The following AP4S1 variants were observed in gnomAD, a reference collection of about 807,000 sequenced individuals.
AP4S1 encodes adaptor related protein complex 4 subunit sigma 1.
Under a neutral mutation model 19.8 loss-of-function variants are expected in AP4S1, and 23 were observed. The ratio of observed to expected loss-of-function variants is 1.16; its 90% confidence interval spans 0.84 to 1.65. The LOEUF is 1.65. Among genes scored for constraint, AP4S1 ranks in the 40% most tolerant of loss-of-function variants. The probability of loss-of-function intolerance (pLI) is 0.00; values close to 1 mark genes in which losing one functional copy is unlikely to be tolerated. For synonymous variants in AP4S1, 46 were observed against 54.1 expected, an observed-to-expected ratio of 0.85 and a Z score of 0.66; for missense variants, 166 against 172.8, an observed-to-expected ratio of 0.96 and a Z score of 0.22.
Position 31,072,887 on chromosome 14 carries a change from T to C in AP4S1, c.226-18T>C. On this transcript the variant is annotated intron_variant, in intron 3 of 5. Coordinates refer to ENST00000542754, the MANE Select transcript of AP4S1 (RefSeq NM_001128126.3). ...AAGCGACACTAAAATTGATTGTACCTTTCTTCTTTTATTGTAGAACGAGAT... is the reference window on the plus strand; with the variant it reads ...AAGCGACACTAAAATTGATTGTACCCTTCTTCTTTTATTGTAGAACGAGAT... 2 of 1,601,596 alleles carry C rather than the reference T, an allele frequency of 1.2e-6. No individual in the cohort carries two copies. The highest frequency in any genetic ancestry group is 1.7e-6 in the Non-Finnish European group (2 of 1,168,806).
At chr14:31,063,403 C>T (rs1305156960) in intron 1 of AP4S1, among the ~76,000 whole-genome samples, 3 of 152,064 alleles carry the variant, frequency 2.0e-5, no homozygotes, top group East Asian at 3.8e-4. Context: ...CATTGCACTC[C>T]AGCCTGGGTG....
chr14:31,058,214 A>G (rs1024400368), intron 1 of AP4S1, among the ~76,000 whole-genome samples: 2 of 151,890 alleles, frequency 1.3e-5, no homozygotes, highest in Non-Finnish European at 2.9e-5. Context: ...ACAGGCATGA[A>G]CCACCTCGCC....
chr14:31,088,536 G>A (rs1004160036), intron 5 of AP4S1, among the ~76,000 whole-genome samples: 6 of 152,046 alleles, frequency 3.9e-5, no homozygotes, highest in South Asian at 2.1e-4. Context: ...AGCCAGGCGC[G>A]GTGGCTCACG....
Position 31,093,119 on chromosome 14 carries a change from C to T in AP4S1, c.*84C>T, listed in dbSNP as rs1888120470. 7.3e-7 allele frequency: 1 copy of T among 1,374,318 alleles called. No individual in the cohort carries two copies. The highest frequency in any genetic ancestry group is 9.7e-7 in the Non-Finnish European group (1 of 1,031,610). 85.1% of individuals were successfully genotyped at this position (1,374,318 alleles called of 1,614,324 possible). A position where few individuals can be genotyped will look rare whatever the true frequency, so the allele number is the denominator to read the frequency against. On this transcript the variant is annotated 3_prime_UTR_variant, in exon 6 of 6. Coordinates refer to ENST00000542754, the MANE Select transcript of AP4S1 (RefSeq NM_001128126.3). ...TCTCAACATGTTAACCCAGAAGAAT[C>T]TGGAAGACCACAATTACAAAATGGG...
chr14:31,034,068 A>G lies in AP4S1; in HGVS notation c.-72+8281A>G, dbSNP rs74042118. Among the ~76,000 whole-genome samples the G allele has an allele frequency of 3.8e-3, 579 of 152,324 alleles. 2 individuals are homozygous for G. The highest frequency in any genetic ancestry group is 0.013 in the African/African-American group (544 of 41,574). ...GACTGGAAGATGTGACTAATTGGTA[A>G]ATTGCCAAAAGTTTGCTAGGTAATA... is the stretch of plus-strand genomic sequence containing the variant. On this transcript the variant is annotated intron_variant, in intron 1 of 5. Transcript: ENST00000542754.
chr14:31,028,618 C>CAG lies in AP4S1; in HGVS notation c.-72+2835_-72+2836dup, dbSNP rs959759545. On this transcript the variant is annotated intron_variant, in intron 1 of 5. Transcript: ENST00000542754. Reference sequence around the variant, plus strand: ...ACATACACACACACACACACACACACAGAGACATTTGTGGCCAGGTGCGGT... The same window carrying CAG: ...ACATACACACACACACACACACACACAGAGAGACATTTGTGGCCAGGTGCGGT... Among the ~76,000 whole-genome samples the CAG allele has an allele frequency of 5.9e-4, 90 of 151,752 alleles. 1 individual carries two copies. The highest frequency in any genetic ancestry group is 9.1e-4 in the Non-Finnish European group (62 of 67,898).
intron 1 of AP4S1, among the ~76,000 whole-genome samples, chr14:31,034,570 C>A (rs369276665): frequency 6.7e-6 from 1 of 149,880 alleles, no homozygotes; most frequent in Non-Finnish European, 1.5e-5. Flanking sequence ...GGATTACAGG[C>A]GTAAGCCACT....
chr14:31,032,071 C>CAAAAAAAAAAAAAA (rs71905676), intron 1 of AP4S1, among the ~76,000 whole-genome samples: 1 of 110,606 alleles, frequency 9.0e-6, no homozygotes, highest in Non-Finnish European at 2.1e-5. Context: ...GACCTTGTCC[C>CAAAAAAAAAAAAAA]AAAAAAAAAA....
At chr14:31,038,929 C>T (rs1339392667) in intron 1 of AP4S1, among the ~76,000 whole-genome samples, 1 of 151,314 alleles carries the variant, frequency 6.6e-6, no homozygotes, top group Non-Finnish European at 1.5e-5. Flanking sequence ...AAGTCTTTCA[C>T]GACCACCATC....
At chr14:31,076,464 G>A (rs1290876396) in intron 4 of AP4S1, among the ~76,000 whole-genome samples, 1 of 152,124 alleles carries the variant, frequency 6.6e-6, no homozygotes, top group East Asian at 1.9e-4. Context: ...CTATCTTCTT[G>A]GGAGAAATGT....
intron 3 of AP4S1, among the ~76,000 whole-genome samples, chr14:31,071,506 T>A (rs892341383): frequency 3.3e-5 from 5 of 152,146 alleles, no homozygotes; most frequent in Non-Finnish European, 7.4e-5. Flanking sequence ...CTGCAACCCC[T>A]GCCTCCTGGG....
At chr14:31,089,019 G>A (rs1444814878) in intron 5 of AP4S1, among the ~76,000 whole-genome samples, 1 of 151,802 alleles carries the variant, frequency 6.6e-6, no homozygotes, top group Admixed American at 6.6e-5. Context: ...GAAATTAGAT[G>A]GGCGTGGCAG....
chr14:31,090,211 C>T (rs1008874058), intron 5 of AP4S1, among the ~76,000 whole-genome samples: 49 of 152,272 alleles, frequency 3.2e-4, no homozygotes, highest in Non-Finnish European at 3.7e-4. Context: ...GTCTCGATCT[C>T]CTGACCTCAC....
intron 5 of AP4S1, among the ~76,000 whole-genome samples, chr14:31,092,685 C>T (rs1047008179): frequency 6.6e-6 from 1 of 152,120 alleles, no homozygotes; most frequent in Non-Finnish European, 1.5e-5. Flanking sequence ...ATTTTTATCC[C>T]TACTTATCCT....
chr14:31,032,614 C>T (rs1337970168), intron 1 of AP4S1, among the ~76,000 whole-genome samples: 7 of 151,654 alleles, frequency 4.6e-5, no homozygotes, highest in African/African-American at 1.5e-4. Flanking sequence ...ACCTCCACCT[C>T]CTGGGTTCAA....
chr14:31,082,811 G>A (rs1275775079), intron 5 of AP4S1, among the ~76,000 whole-genome samples: 2 of 152,044 alleles, frequency 1.3e-5, no homozygotes, highest in African/African-American at 4.8e-5. Flanking sequence ...CAGGAGAATG[G>A]CGTGAACCCG....
chr14:31,058,527 ATGTGTGTGTGTGTG>A (rs140119208), intron 1 of AP4S1, among the ~76,000 whole-genome samples: 14 of 136,670 alleles, frequency 1.0e-4, no homozygotes, highest in East Asian at 8.3e-4. Context: ...CTGTGTGTGT[ATGTGTGTGTGTGTG>A]TGTGTGTGTG....
chr14:31,065,721 C>T (rs751129653), intron 1 of AP4S1, among the ~76,000 whole-genome samples: 34 of 152,140 alleles, frequency 2.2e-4, no homozygotes, highest in Admixed American at 5.9e-4. Flanking sequence ...AGTGCAGTGG[C>T]GCAATCTCGG....
intron 4 of AP4S1, among the ~76,000 whole-genome samples, chr14:31,079,654 C>T (rs888297519): frequency 2.0e-5 from 3 of 151,962 alleles, no homozygotes; most frequent in Non-Finnish European, 4.4e-5. Context: ...GCAAAACCCC[C>T]GTCTCTACAA....
Sources: gnomAD v4.1 joint callset for allele counts (sites outside exome capture counted in the v4.1 genomes callset) on GRCh38, gnomAD v4.1.1 for gene constraint, MANE v1.5 for transcripts, NCBI Gene and HGNC (gene_info 2026-07-23, HGNC 2026-07-21) for gene names.